The following C1GALT1 variants were observed in gnomAD, a reference collection of about 807,000 sequenced individuals.
C1GALT1 encodes core 1 synthase, glycoprotein-N-acetylgalactosamine 3-beta-galactosyltransferase 1, also known as glycoprotein-N-acetylgalactosamine 3-beta-galactosyltransferase 1.
In C1GALT1, 11 loss-of-function variants were observed where a neutral mutation model predicts 31.0. The observed-to-expected ratio is 0.36, with a 90% CI of 0.22 to 0.59. The LOEUF is 0.59. C1GALT1 is among the 20% of genes least tolerant of loss of function. The pLI is 0.79. For synonymous variants in C1GALT1, 175 were observed against 143.6 expected (o/e 1.22, Z -1.56); for missense variants, 424 against 425.2 (o/e 1.00, Z 0.03).
intron 1 of C1GALT1, among the ~76,000 whole-genome samples, chr7:7,185,373 G>T (rs930869554): frequency 2.6e-5 from 4 of 152,174 alleles, no homozygotes; most frequent in African/African-American, 7.2e-5. Context: ...CTTGGTCATT[G>T]TATTTTCTAG....
At chr7:7,159,355 A>G (rs972465573) in intron 2 of C1GALT1, among the ~76,000 whole-genome samples, 1 of 152,150 alleles carries the variant, frequency 6.6e-6, no homozygotes, top group African/African-American at 2.4e-5. Flanking sequence ...AAGAGATTGG[A>G]AAGACGCGGG....
In C1GALT1 at chr7:7,161,458, A is replaced by G. The variant is rs540633876; in HGVS notation, c.-18+4032A>G. Reference sequence around the variant, plus strand: ...TAAAAAATGTGGCAATAAATGAAGTACTTGTTAAAAAGATACTTAGTTTTA... The same window carrying G: ...TAAAAAATGTGGCAATAAATGAAGTGCTTGTTAAAAAGATACTTAGTTTTA... On this transcript the variant is annotated intron_variant, in intron 2 of 3. Transcript: ENST00000429911. Among the ~76,000 whole-genome samples the G allele has an allele frequency of 3.9e-5, 6 of 152,296 alleles. No individual in the cohort carries two copies. The South Asian group carries it at 1.2e-3, about 32-fold the overall frequency.
intron 2 of C1GALT1, among the ~76,000 whole-genome samples, chr7:7,161,278 T>C (rs993353551): frequency 6.6e-6 from 1 of 152,034 alleles, no homozygotes. Flanking sequence ...TTGTGAGGCT[T>C]TAACAGTGGG....
chr7:7,183,078 CCCT>C (rs1237252472), intron 1 of C1GALT1, among the ~76,000 whole-genome samples: 1 of 152,144 alleles, frequency 6.6e-6, no homozygotes, highest in Non-Finnish European at 1.5e-5. Flanking sequence ...TGGACATGTA[CCCT>C]CCTCTTCGTC....
upstream of C1GALT1, among the ~76,000 whole-genome samples, chr7:7,182,002 A>G (rs1365832683): frequency 3.3e-5 from 5 of 152,102 alleles, no homozygotes; most frequent in Non-Finnish European, 7.4e-5. Context: ...CAAAGACGAA[A>G]TGTGCCTATA....
chr7:7,235,092 G>A (rs917503097), intron 2 of C1GALT1: 21 of 152,296 alleles, frequency 1.4e-4, no homozygotes, highest in Admixed American at 9.2e-4. Flanking sequence ...TGTCCCTTAA[G>A]TGTTGGTTCT....
At chr7:7,166,824 A>G (rs2128226944) in intron 2 of C1GALT1, among the ~76,000 whole-genome samples, 2 of 152,320 alleles carry the variant, frequency 1.3e-5, no homozygotes, top group Middle Eastern at 6.8e-3. Flanking sequence ...GTGTAATACA[A>G]TAGTAAGCAT....
At chr7:7,179,765 G>A (rs1780549214), upstream of C1GALT1, among the ~76,000 whole-genome samples, 1 of 151,060 alleles carries the variant, frequency 6.6e-6, no homozygotes, top group African/African-American at 2.4e-5. Context: ...GGCACCTCTG[G>A]TGTCCTACAC....
chr7:7,229,654 G>T (rs1410107838), intron 1 of C1GALT1, among the ~76,000 whole-genome samples: 1 of 152,114 alleles, frequency 6.6e-6, no homozygotes, highest in Non-Finnish European at 1.5e-5. Flanking sequence ...AGACAATCGA[G>T]ATATTTAGAA....
intron 1 of C1GALT1, among the ~76,000 whole-genome samples, chr7:7,202,330 T>C (rs1392704994): frequency 6.6e-6 from 1 of 152,222 alleles, no homozygotes; most frequent in Non-Finnish European, 1.5e-5. Flanking sequence ...ACTCGGTGTG[T>C]CTGAGTGGGA....
chr7:7,190,737 T>A (rs1424272439), intron 1 of C1GALT1, among the ~76,000 whole-genome samples: 1 of 152,130 alleles, frequency 6.6e-6, no homozygotes, highest in Non-Finnish European at 1.5e-5. Flanking sequence ...TAAAATCTTT[T>A]TTATAACTTA....
chr7:7,202,173 G>T (rs906742791), intron 1 of C1GALT1, among the ~76,000 whole-genome samples: 1 of 152,174 alleles, frequency 6.6e-6, no homozygotes, highest in Non-Finnish European at 1.5e-5. Context: ...CACACATTGG[G>T]CACTCAGAGT....
chr7:7,195,573 G>A (rs888605178), intron 1 of C1GALT1, among the ~76,000 whole-genome samples: 5 of 152,148 alleles, frequency 3.3e-5, no homozygotes, highest in African/African-American at 4.8e-5. Flanking sequence ...AATTTGTTGA[G>A]ACTTGTTTTG....
At chr7:7,227,486 C>T (rs534575765) in intron 1 of C1GALT1, among the ~76,000 whole-genome samples, 62 of 151,962 alleles carry the variant, frequency 4.1e-4, no homozygotes, top group Admixed American at 1.4e-3. Flanking sequence ...TTTGGGAGGC[C>T]GAGGCGGGCG....
At chr7:7,175,455 C>G (rs1166767302) in intron 2 of C1GALT1, among the ~76,000 whole-genome samples, 2 of 152,204 alleles carry the variant, frequency 1.3e-5, no homozygotes, top group South Asian at 2.1e-4. Context: ...TAAATTCCCA[C>G]GTATATATGG....
upstream of C1GALT1, among the ~76,000 whole-genome samples, chr7:7,178,662 G>T (rs148396527): frequency 6.6e-6 from 1 of 152,146 alleles, no homozygotes; most frequent in African/African-American, 2.4e-5. Flanking sequence ...TAATACAGGT[G>T]TCAGGGAGCA....
intron 1 of C1GALT1, among the ~76,000 whole-genome samples, chr7:7,212,798 A>G (rs1420084490): frequency 3.9e-5 from 6 of 152,112 alleles, no homozygotes; most frequent in African/African-American, 1.4e-4. Flanking sequence ...TATTGTCACA[A>G]GGGCTGGGAG....
At position 7,244,109 on chromosome 7, in the gene C1GALT1, AAAG is replaced by A. The variant is rs1158510894; in HGVS notation, c.*385_*387del. On this transcript the variant is annotated 3_prime_UTR_variant, in exon 4 of 4. Transcript: ENST00000436587. Reference sequence around the variant, plus strand: ...TGTTAGTAATAAACAGATCTGCCTTAAAGAAAAGAAAATTTTAGAAAGAAATAT... The same window carrying A: ...TGTTAGTAATAAACAGATCTGCCTTAAAAAGAAAATTTTAGAAAGAAATAT... 6.6e-6 allele frequency: 1 copy of A among 151,162 alleles called. No individual in the cohort carries two copies. The highest frequency in any genetic ancestry group is 2.4e-5 in the African/African-American group (1 of 41,078). 9.4% of individuals were successfully genotyped at this position (151,162 alleles called of 1,614,324 possible).
chr7:7,225,525 G>A (rs1446871035), intron 1 of C1GALT1, among the ~76,000 whole-genome samples: 1 of 151,942 alleles, frequency 6.6e-6, no homozygotes, highest in African/African-American at 2.4e-5. Flanking sequence ...AACTATAGAG[G>A]GTTTATTGCA....
Sources: allele counts gnomAD v4.1 joint callset (sites outside exome capture counted in the v4.1 genomes callset), GRCh38; gene constraint gnomAD v4.1.1; transcripts MANE v1.5; gene names NCBI Gene and HGNC (gene_info 2026-07-23, HGNC 2026-07-21).